The following RHOT1 variants were observed in gnomAD, a reference collection of about 807,000 sequenced individuals.
The protein encoded by RHOT1 is mitochondrial Rho GTPase 1.
In RHOT1, 27 loss-of-function variants were observed where a neutral mutation model predicts 95.3. That is an observed-to-expected ratio of 0.28 (90% CI 0.21 to 0.39). The LOEUF (loss-of-function observed/expected upper bound fraction) is 0.39, where lower values mean the gene tolerates loss of function less well. RHOT1 is among the 10% of genes least tolerant of loss of function. RHOT1 has a pLI of 1.00. For missense variants in RHOT1, 578 were observed against 786.7 expected, an observed-to-expected ratio of 0.73 and a Z score of 3.17; for synonymous variants, 227 against 263.5, an observed-to-expected ratio of 0.86 and a Z score of 1.34.
chr17:32,157,763 TGCCATTGTACTCCA>T, intron 1 of RHOT1, among the ~76,000 whole-genome samples: 1 of 151,806 alleles, frequency 6.6e-6, no homozygotes. Flanking sequence ...GCTGAGATCA[TGCCATTGTACTCCA>T]GCCTGGGTGA....
intron 1 of RHOT1, chr17:32,143,041 T>G (rs1354573038): frequency 1.5e-6 from 1 of 688,548 alleles, no homozygotes; most frequent in Admixed American, 2.0e-5. Context: ...CCTCCGAAGC[T>G]TCTCTCCTCC....
At position 32,142,917 on chromosome 17, in the gene RHOT1, G is replaced by C. The variant is rs558995860; in HGVS notation, c.37+188G>C. ...CTTCACTCTTCTCTTTTGGCTGGCC[G>C]CCGGCGGCCCTCACCCTGTCACCTC... On this transcript the variant is annotated intron_variant, in intron 1 of 19. Transcript: ENST00000545287. 3.0e-4 allele frequency: 218 copies of C among 725,398 alleles called. 2 individuals carry two copies. The East Asian group carries it at 5.7e-3, about 19-fold the overall frequency. The allele number at this position is 725,398 out of a possible 1,614,324, so 44.9% of individuals were successfully genotyped here.
rs565030397 is a variant in RHOT1 at position 32,202,254 on chromosome 17, A to G, written c.1202-516A>G. Among the ~76,000 whole-genome samples the G allele has an allele frequency of 5.3e-5, 8 of 152,306 alleles. No individual in the cohort carries two copies. In the South Asian group the frequency reaches 1.4e-3, roughly 28 times the overall value. On this transcript the variant is annotated intron_variant, in intron 14 of 19. Transcript: ENST00000545287. ...TCAGGAAGGGATGCTTGCTGTCCCT[A>G]TGATACAGCATTGTTTTCTGGCATG...
chr17:32,200,286 GT>G (rs967173218), intron 13 of RHOT1, among the ~76,000 whole-genome samples: 68 of 151,362 alleles, frequency 4.5e-4, no homozygotes, highest in African/African-American at 1.5e-3. Flanking sequence ...TAAGGAGGTT[GT>G]TTTTTTTGGT....
chr17:32,196,553 A>G (rs895720565), intron 11 of RHOT1, among the ~76,000 whole-genome samples: 3 of 151,790 alleles, frequency 2.0e-5, no homozygotes, highest in African/African-American at 2.4e-5. Context: ...CCTCATGCAC[A>G]CTCCCTGCCT....
rs1314882943 is a variant in RHOT1 at position 32,181,948 on chromosome 17, T to C, written c.330-809T>C. Among the ~76,000 whole-genome samples the C allele has an allele frequency of 2.0e-5, 3 of 152,206 alleles. No homozygotes were observed. In the East Asian group the frequency reaches 5.8e-4, roughly 29 times the overall value. ...TGTTTGGCCCCATCAGGATGTTTTT[T>C]CAGTTTGGGGCCTTTGCACATGCTG... On this transcript the variant is annotated intron_variant, in intron 6 of 19. Transcript: ENST00000545287.
At chr17:32,190,991 C>T (rs1315399170) in intron 8 of RHOT1, among the ~76,000 whole-genome samples, 2 of 152,164 alleles carry the variant, frequency 1.3e-5, no homozygotes, top group African/African-American at 2.4e-5. Context: ...GACAGGGTTT[C>T]GCCATGTTAG....
intron 8 of RHOT1, among the ~76,000 whole-genome samples, chr17:32,185,895 A>G (rs2036011223): frequency 6.6e-6 from 1 of 150,672 alleles, no homozygotes; most frequent in African/African-American, 2.4e-5. Flanking sequence ...TAATTTTTAA[A>G]TTTTCTAGTA....
chr17:32,221,013 T>G (rs117206705), intron 19 of RHOT1: 11,533 of 908,846 alleles, frequency 0.013, 101 homozygotes, highest in South Asian at 0.022. Context: ...TTTCTATAAG[T>G]CATTTTGAAA....
intron 6 of RHOT1, among the ~76,000 whole-genome samples, chr17:32,181,661 T>C (rs377525847): frequency 3.9e-5 from 6 of 152,314 alleles, no homozygotes; most frequent in South Asian, 2.1e-4. Context: ...ACCCCTCCCA[T>C]TGAGATCATT....
chr17:32,161,181 T>C (rs1201021793), intron 1 of RHOT1, among the ~76,000 whole-genome samples: 1 of 152,190 alleles, frequency 6.6e-6, no homozygotes, highest in Admixed American at 6.5e-5. Context: ...GTTTGGGTTT[T>C]TCAAGGATAG....
At position 32,208,571 on chromosome 17, in the gene RHOT1, C is replaced by G. The variant is rs1054427147; in HGVS notation, c.1739+262C>G. 6.8e-5 allele frequency: 23 copies of G among 339,908 alleles called. No individual in the cohort carries two copies. In the East Asian group the frequency reaches 8.6e-4, roughly 13 times the overall value. 21.1% of individuals were successfully genotyped at this position (339,908 alleles called of 1,614,324 possible). On this transcript the variant is annotated intron_variant, in intron 18 of 19. Transcript: ENST00000545287. ...ATAGAATAGTACAATAAAACACAAC[C>G]CCCCACCCAGCATTAAAAAATAGTT...
Position 32,202,865 on chromosome 17 carries a change from G to A in RHOT1, c.1297G>A (p.Gly433Arg). 1.2e-6 allele frequency: 2 copies of A among 1,613,332 alleles called. No homozygotes were observed. The highest frequency in any genetic ancestry group is 1.1e-5 in the South Asian group (1 of 90,940). ...VIGVKNCGKS[G>R]VLQALLGRNL... ...TGGAGTGAAAAACTGTGGGAAAAGT[G>A]GAGTTCTTCAGGCTCTTCTTGGAAG... Residue 433 changes from glycine to arginine, a missense_variant, in exon 15 of 20, where the codon GGA becomes AGA. This residue lies in a region of RHOT1 where 296 missense variants were observed against 338.5 expected (regional missense o/e 0.87). Coordinates refer to ENST00000545287, the MANE Select transcript of RHOT1 (RefSeq NM_001033566.3).
intron 1 of RHOT1, chr17:32,160,018 G>A (rs1441999582): frequency 6.6e-6 from 1 of 152,322 alleles, no homozygotes; most frequent in Non-Finnish European, 1.5e-5. Context: ...CCCATAAAAA[G>A]CCTCCCGGAC....
At chr17:32,149,035 T>G (rs1163770567) in intron 1 of RHOT1, among the ~76,000 whole-genome samples, 1 of 152,220 alleles carries the variant, frequency 6.6e-6, no homozygotes, top group African/African-American at 2.4e-5. Flanking sequence ...TCAGAAGGCC[T>G]TCTGTCCTTG....
intron 19 of RHOT1, chr17:32,222,908 A>C: frequency 1.0e-6 from 1 of 984,452 alleles, no homozygotes; most frequent in Non-Finnish European, 1.2e-6. Flanking sequence ...GCCAGGTAAC[A>C]TTTCCAATGG....
chr17:32,148,106 A>G (rs1248230888), intron 1 of RHOT1, among the ~76,000 whole-genome samples: 1 of 152,148 alleles, frequency 6.6e-6, no homozygotes, highest in African/African-American at 2.4e-5. Context: ...TCTACTAAAA[A>G]TACAAAAAAT....
intron 11 of RHOT1, among the ~76,000 whole-genome samples, chr17:32,198,609 T>C (rs1598420964): frequency 6.6e-6 from 1 of 152,044 alleles, no homozygotes; most frequent in African/African-American, 2.4e-5. Flanking sequence ...CTCAAGAGGC[T>C]GAGATGGGTA....
chr17:32,183,952 C>T (rs1302477634), intron 8 of RHOT1, among the ~76,000 whole-genome samples: 2 of 152,228 alleles, frequency 1.3e-5, no homozygotes, highest in African/African-American at 4.8e-5. Flanking sequence ...TCCCAAAGTG[C>T]CGGGATTACA....
Sources: allele counts gnomAD v4.1 joint callset (sites outside exome capture counted in the v4.1 genomes callset), GRCh38; gene constraint gnomAD v4.1.1; regional missense constraint gnomAD v4.1.1; transcripts MANE v1.5; gene names NCBI Gene and HGNC (gene_info 2026-07-23, HGNC 2026-07-21).